ARID5B: variants seen among roughly 807,000 people sequenced by gnomAD.
ARID5B encodes the protein AT-rich interactive domain-containing protein 5B.
A neutral mutation model predicts 97.2 loss-of-function variants in ARID5B; 13 were observed. That is an observed-to-expected ratio of 0.13 (90% CI 0.09 to 0.21). The LOEUF (loss-of-function observed/expected upper bound fraction) is 0.21, where lower values mean the gene tolerates loss of function less well. Ranked by LOEUF, ARID5B falls within the 10% of genes least tolerant of loss-of-function variation. The pLI is 1.00. For missense variants in ARID5B, 1,210 were observed against 1,465.3 expected (o/e 0.83, Z 2.84); for synonymous variants, 556 against 570.3 (o/e 0.97, Z 0.36).
intron 2 of ARID5B, among the ~76,000 whole-genome samples, chr10:61,930,578 G>A (rs1307348092): frequency 6.6e-6 from 1 of 151,802 alleles, no homozygotes; most frequent in African/African-American, 2.4e-5. Context: ...AAATTAGCCG[G>A]GTGTGATGGC....
chr10:61,915,883 A>C (rs13376800), intron 2 of ARID5B, among the ~76,000 whole-genome samples: 1 of 151,836 alleles, frequency 6.6e-6, no homozygotes, highest in South Asian at 2.1e-4. Flanking sequence ...AGCCTCTGGA[A>C]TAGCTGGGAT....
rs369439301 is a variant in ARID5B at position 61,950,540 on chromosome 10, C to T, written c.502+10132C>T. Among the ~76,000 whole-genome samples the T allele has an allele frequency of 1.1e-4, 17 of 152,230 alleles. No homozygotes were observed. The East Asian group carries it at 1.9e-3, about 17-fold the overall frequency. ...TAAAAATTAGCTGAGTTTGGTGACGCCCAACTGTAGCCCCAGCTACTCAGG... is the reference window on the plus strand; with the variant it reads ...TAAAAATTAGCTGAGTTTGGTGACGTCCAACTGTAGCCCCAGCTACTCAGG... On this transcript the variant is annotated intron_variant, in intron 3 of 9. Coordinates refer to ENST00000279873, the MANE Select transcript of ARID5B (RefSeq NM_032199.3).
intron 2 of ARID5B, among the ~76,000 whole-genome samples, chr10:61,931,830 C>T (rs1452046978): frequency 6.6e-6 from 1 of 152,014 alleles, no homozygotes; most frequent in Non-Finnish European, 1.5e-5. Context: ...TATTAATAAT[C>T]AATTAATTAA....
intron 3 of ARID5B, among the ~76,000 whole-genome samples, chr10:61,990,662 C>A (rs557035608): frequency 1.3e-5 from 2 of 152,312 alleles, no homozygotes; most frequent in South Asian, 4.1e-4. Context: ...AGAGACACCA[C>A]TTTTCCTCCC....
chr10:62,081,255 G>C (rs968365449), intron 8 of ARID5B, among the ~76,000 whole-genome samples: 1 of 152,192 alleles, frequency 6.6e-6, no homozygotes, highest in Non-Finnish European at 1.5e-5. Context: ...GGGTGACTTT[G>C]GGATTCAAAT....
chr10:62,057,457 T>C, intron 6 of ARID5B, 139 bp downstream of exon 6: 1 of 911,352 alleles, frequency 1.1e-6, no homozygotes, highest in Admixed American at 2.8e-5. Flanking sequence ...TCCATAAATG[T>C]TCCAGGCCAA....
chr10:61,915,744 T>A (rs1197134341), intron 2 of ARID5B, among the ~76,000 whole-genome samples: 1 of 152,122 alleles, frequency 6.6e-6, no homozygotes, highest in Admixed American at 6.5e-5. Flanking sequence ...TCTGTCTTTG[T>A]TTGTTTGTTT....
chr10:62,083,322 A>T (rs2278306), intron 8 of ARID5B, among the ~76,000 whole-genome samples: 6,127 of 151,102 alleles, frequency 0.041, 580 homozygotes, highest in Admixed American at 0.21. Flanking sequence ...TGAAAAAAAA[A>T]AAAAAGGAAC....
intron 4 of ARID5B, chr10:62,049,260 C>T (rs967964272): frequency 3.5e-5 from 50 of 1,413,402 alleles, no homozygotes; most frequent in Middle Eastern, 2.6e-4. Flanking sequence ...TCAGGCTCAT[C>T]CCACACACTC....
intron 2 of ARID5B, among the ~76,000 whole-genome samples, chr10:61,929,235 C>T (rs1472202368): frequency 1.3e-5 from 2 of 152,092 alleles, no homozygotes; most frequent in African/African-American, 2.4e-5. Context: ...TTTTTGTGTT[C>T]CCAACATTTA....
chr10:62,046,388 C>T (rs1448265607), intron 4 of ARID5B, among the ~76,000 whole-genome samples: 1 of 152,092 alleles, frequency 6.6e-6, no homozygotes, highest in African/African-American at 2.4e-5. Context: ...TGTGTGAACC[C>T]GTAGTGAAAT....
rs1029643366 is a variant in ARID5B, at chr10:61,932,294, T to C, written c.277-7889T>C. 2.0e-5 allele frequency among the ~76,000 whole-genome samples: 3 copies of C among 152,022 alleles called. No homozygotes were observed. In the East Asian group the frequency reaches 5.8e-4, roughly 29 times the overall value. ...CATCTGAGTCTTCCGCAAGTTGTAATTTTTTTTGCTTGTGGAAGATCTGGG... is the reference window on the plus strand; with the variant it reads ...CATCTGAGTCTTCCGCAAGTTGTAACTTTTTTTGCTTGTGGAAGATCTGGG... On this transcript the variant is annotated intron_variant, in intron 2 of 9. Coordinates refer to ENST00000279873, the MANE Select transcript of ARID5B (RefSeq NM_032199.3).
At chr10:62,015,973 T>C (rs948591070) in intron 4 of ARID5B, among the ~76,000 whole-genome samples, 2 of 152,228 alleles carry the variant, frequency 1.3e-5, no homozygotes, top group South Asian at 4.1e-4. Context: ...ATCTGGCATA[T>C]GTGGAGCACT....
chr10:62,017,307 G>A lies in ARID5B; in HGVS notation c.733+16986G>A, dbSNP rs545064529. ...GTCTCTACTAAAAATGCAAAAATTA[G>A]CCAGGTGTGGTGACATGCCCCGTAA... On this transcript the variant is annotated intron_variant, in intron 4 of 9. Transcript: ENST00000279873. Among the ~76,000 whole-genome samples the A allele has an allele frequency of 2.4e-4, 37 of 152,212 alleles. No homozygotes were observed. The South Asian group carries it at 7.5e-3, about 31-fold the overall frequency.
At chr10:61,917,218 A>G (rs1207827069) in intron 2 of ARID5B, among the ~76,000 whole-genome samples, 4 of 152,036 alleles carry the variant, frequency 2.6e-5, no homozygotes, top group Non-Finnish European at 5.9e-5. Context: ...GTTTCTACCT[A>G]GCATTGCTGG....
intron 4 of ARID5B, among the ~76,000 whole-genome samples, chr10:62,039,174 G>T (rs531724735): frequency 2.0e-5 from 3 of 152,310 alleles, no homozygotes; most frequent in African/African-American, 7.2e-5. Context: ...GGAGGACAAA[G>T]ACAAATACTT....
chr10:62,087,914 G>T (rs896769335), intron 9 of ARID5B, among the ~76,000 whole-genome samples: 2 of 150,732 alleles, frequency 1.3e-5, no homozygotes, highest in Admixed American at 6.6e-5. Flanking sequence ...TCCCAGGCTA[G>T]AGTGCAGTGG....
chr10:62,060,942 G>A (rs1049485162), intron 7 of ARID5B, among the ~76,000 whole-genome samples: 1 of 152,156 alleles, frequency 6.6e-6, no homozygotes, highest in African/African-American at 2.4e-5. Flanking sequence ...ACAGCAAGTT[G>A]ATGTAGAATG....
At chr10:61,988,773 T>C (rs1379878407) in intron 3 of ARID5B, among the ~76,000 whole-genome samples, 2 of 152,204 alleles carry the variant, frequency 1.3e-5, no homozygotes, top group African/African-American at 4.8e-5. Context: ...AGAGCTATGC[T>C]GTTCAATAAG....
Sources: allele counts gnomAD v4.1 joint callset (sites outside exome capture counted in the v4.1 genomes callset), GRCh38; gene constraint gnomAD v4.1.1; transcripts MANE v1.5; gene names NCBI Gene and HGNC (gene_info 2026-07-23, HGNC 2026-07-21).